Variants in AUTS2 observed in about 807,000 individuals in gnomAD.
AUTS2 encodes the protein autism susceptibility gene 2 protein.
A neutral mutation model predicts 112.4 loss-of-function variants in AUTS2; 17 were observed. The ratio of observed to expected loss-of-function variants is 0.15; its 90% CI spans 0.10 to 0.23. AUTS2 has a LOEUF of 0.23. Among genes scored for constraint, AUTS2 ranks in the 10% least tolerant of loss-of-function variants. AUTS2 has a pLI of 1.00. For missense variants in AUTS2, 1,510 were observed against 1,701.6 expected (o/e 0.89, Z 1.98); for synonymous variants, 751 against 702.7 (o/e 1.07, Z -1.09).
intron 2 of AUTS2, among the ~76,000 whole-genome samples, chr7:70,011,318 T>C (rs1333365668): frequency 1.1e-5 from 1 of 89,480 alleles, no homozygotes; most frequent in Non-Finnish European, 2.2e-5. Context: ...CTTTCCTCTC[T>C]CCTCTCCTCT....
intron 2 of AUTS2, among the ~76,000 whole-genome samples, chr7:70,028,441 T>C (rs909878435): frequency 9.2e-5 from 14 of 152,198 alleles, no homozygotes; most frequent in Non-Finnish European, 1.9e-4. Flanking sequence ...CTTTTTCTTA[T>C]AGATCATTCT....
At chr7:70,751,926 T>C (rs951821983) in intron 6 of AUTS2, among the ~76,000 whole-genome samples, 1 of 151,816 alleles carries the variant, frequency 6.6e-6, no homozygotes, top group African/African-American at 2.4e-5. Context: ...AGTTTCACCA[T>C]GTTGGCCAGG....
At chr7:70,461,003 G>A (rs556510887) in intron 5 of AUTS2, among the ~76,000 whole-genome samples, 1 of 152,276 alleles carries the variant, frequency 6.6e-6, no homozygotes, top group South Asian at 2.1e-4. Flanking sequence ...AGTGGTGACA[G>A]ATAAGTCTAG....
chr7:69,631,717 G>T (rs867823560), intron 1 of AUTS2, among the ~76,000 whole-genome samples: 1 of 152,142 alleles, frequency 6.6e-6, no homozygotes, highest in Admixed American at 6.5e-5. Context: ...TTTGCCAGCC[G>T]TACAGCTGAT....
intron 5 of AUTS2, among the ~76,000 whole-genome samples, chr7:70,581,999 A>C (rs1369504339): frequency 2.3e-4 from 35 of 150,642 alleles, no homozygotes; most frequent in Admixed American, 2.3e-3. Flanking sequence ...AACCAGAAGA[A>C]TAAAATCAGA....
intron 4 of AUTS2, among the ~76,000 whole-genome samples, chr7:70,192,016 T>C (rs1809924802): frequency 6.6e-6 from 1 of 152,134 alleles, no homozygotes; most frequent in Admixed American, 6.6e-5. Context: ...AGTAGTCACT[T>C]GGTTTAAATG....
intron 4 of AUTS2, among the ~76,000 whole-genome samples, chr7:70,147,788 A>T (rs1807209958): frequency 6.6e-6 from 1 of 152,090 alleles, no homozygotes; most frequent in Admixed American, 6.6e-5. Flanking sequence ...GGAAAGCCAA[A>T]CCCAAGAATC....
intron 5 of AUTS2, among the ~76,000 whole-genome samples, chr7:70,553,279 A>T (rs571717688): frequency 6.6e-6 from 1 of 152,342 alleles, no homozygotes; most frequent in African/African-American, 2.4e-5. Context: ...CAGCCCAGCC[A>T]ACCTAATTCT....
chr7:70,404,659 T>C (rs1487306436), intron 4 of AUTS2, among the ~76,000 whole-genome samples: 1 of 152,200 alleles, frequency 6.6e-6, no homozygotes, highest in Non-Finnish European at 1.5e-5. Flanking sequence ...CCTCATTGCA[T>C]TGCTCTGCAT....
intron 4 of AUTS2, among the ~76,000 whole-genome samples, chr7:70,227,886 A>G (rs1350131825): frequency 6.6e-6 from 1 of 152,098 alleles, no homozygotes; most frequent in East Asian, 1.9e-4. Flanking sequence ...GTGTGCTTAA[A>G]AGGAGTATGT....
At chr7:70,235,178 G>GC (rs1451625904) in intron 4 of AUTS2, among the ~76,000 whole-genome samples, 1 of 152,164 alleles carries the variant, frequency 6.6e-6, no homozygotes, top group Middle Eastern at 3.4e-3. Flanking sequence ...GTCTCACCCA[G>GC]CCTAGAGTGT....
At chr7:69,652,038 C>G (rs771625148) in intron 1 of AUTS2, among the ~76,000 whole-genome samples, 1 of 152,120 alleles carries the variant, frequency 6.6e-6, no homozygotes, top group Non-Finnish European at 1.5e-5. Context: ...TAGATTAAAT[C>G]GAATGGTTAA....
At chr7:70,113,533 A>G (rs994204975) in intron 2 of AUTS2, among the ~76,000 whole-genome samples, 7 of 152,212 alleles carry the variant, frequency 4.6e-5, no homozygotes, top group Non-Finnish European at 8.8e-5. Flanking sequence ...TTACTGAAAC[A>G]TTCCCCAAAT....
intron 4 of AUTS2, among the ~76,000 whole-genome samples, chr7:70,308,293 T>G (rs557194532): frequency 6.2e-4 from 95 of 152,310 alleles, no homozygotes; most frequent in South Asian, 2.5e-3. Context: ...ACATACCCAT[T>G]TCACTCTTCT....
Position 69,867,149 on chromosome 7 carries a change from G to T in AUTS2, c.310-32137G>T, listed in dbSNP as rs148837071. On this transcript the variant is annotated intron_variant, in intron 1 of 18. Coordinates refer to ENST00000342771, the MANE Select transcript of AUTS2 (RefSeq NM_015570.4). ...GTAGACTAGCAGTATCCTTTCATCT[G>T]CTTTGTTGTGAGCCAGCTTAGGTGG... Among the ~76,000 whole-genome samples, 408 of 152,154 alleles carry T rather than the reference G, an allele frequency of 2.7e-3. 4 individuals carry two copies. The highest frequency in any genetic ancestry group is 9.3e-3 in the African/African-American group (388 of 41,530).
At chr7:69,783,363 A>G (rs1789229344) in intron 1 of AUTS2, among the ~76,000 whole-genome samples, 1 of 152,080 alleles carries the variant, frequency 6.6e-6, no homozygotes, top group South Asian at 2.1e-4. Context: ...TTGTAACCAC[A>G]TAGTTTGTAC....
chr7:70,421,065 C>T (rs1276572041), intron 4 of AUTS2, among the ~76,000 whole-genome samples: 4 of 152,136 alleles, frequency 2.6e-5, no homozygotes, highest in African/African-American at 9.7e-5. Flanking sequence ...TGTGAGACTA[C>T]ATTTCACCTT....
At chr7:69,952,174 T>A (rs1797053154) in intron 2 of AUTS2, among the ~76,000 whole-genome samples, 1 of 152,210 alleles carries the variant, frequency 6.6e-6, no homozygotes, top group Admixed American at 6.6e-5. Context: ...TGTTAAAGTC[T>A]GAAAGTGTAA....
chr7:70,016,429 T>C (rs1172250016), intron 2 of AUTS2, among the ~76,000 whole-genome samples: 1 of 152,008 alleles, frequency 6.6e-6, no homozygotes, highest in Non-Finnish European at 1.5e-5. Context: ...TAGGAGGAGA[T>C]TTGGGGGATA....
Sources: gnomAD v4.1 joint callset for allele counts (sites outside exome capture counted in the v4.1 genomes callset) on GRCh38, gnomAD v4.1.1 for gene constraint, MANE v1.5 for transcripts, NCBI Gene and HGNC (gene_info 2026-07-23, HGNC 2026-07-21) for gene names.